Variants in MTSS1 observed in about 807,000 individuals in gnomAD.
MTSS1 encodes the protein MTSS I-BAR domain containing 1, also known as protein MTSS 1.
In MTSS1, 18 loss-of-function variants were observed where a neutral mutation model predicts 79.0. That is an observed-to-expected ratio of 0.23 (90% CI 0.16 to 0.34). The LOEUF is 0.34. Among genes scored for constraint, MTSS1 ranks in the 10% least tolerant of loss-of-function variants. The pLI is 1.00. For missense variants in MTSS1, 815 were observed against 986.2 expected, an observed-to-expected ratio of 0.83 and a Z score of 2.33; for synonymous variants, 341 against 368.6, an observed-to-expected ratio of 0.93 and a Z score of 0.86.
chr8:124,722,109 A>T (rs1421927118), intron 1 of MTSS1, among the ~76,000 whole-genome samples: 5 of 150,180 alleles, frequency 3.3e-5, no homozygotes, highest in African/African-American at 1.2e-4. Flanking sequence ...TTCAAAAGGC[A>T]CTCAACTCAA....
At chr8:124,720,617 G>T (rs184703616) in intron 1 of MTSS1, among the ~76,000 whole-genome samples, 14 of 152,300 alleles carry the variant, frequency 9.2e-5, no homozygotes, top group African/African-American at 3.4e-4. Flanking sequence ...GCTGACCTTT[G>T]TAATGAACTC....
At position 124,704,116 on chromosome 8, in the gene MTSS1, G is replaced by A. The variant is rs932783549; in HGVS notation, c.134+14C>T. The A allele has an allele frequency of 6.2e-7, 1 of 1,611,840 alleles. No homozygotes were observed. Among genetic ancestry groups the A allele is most frequent in the African/African-American group, 1.3e-5 (1 of 74,984 alleles). On this transcript the variant is annotated intron_variant, in intron 2 of 13. Transcript: ENST00000518547. ...ATGTTGTCCTTTTCCTGTAGAACAT[G>A]TGCTTCTACTTACCGAAGCTGGGAC...
Position 124,727,816 on chromosome 8 carries a change from G to T in MTSS1, c.72+68C>A. On this transcript the variant is annotated intron_variant, in intron 1 of 13. Coordinates refer to ENST00000518547, the MANE Select transcript of MTSS1 (RefSeq NM_014751.6). The surrounding 1 kb of genome is among the most constrained non-coding windows in gnomAD (Gnocchi z 4.7). ...AGGGCCGGGTGCCCGGCCCGGGGTGGAGGCGAAGCGCGGCGGCGAGGTCAG... is the reference window on the plus strand; with the variant it reads ...AGGGCCGGGTGCCCGGCCCGGGGTGTAGGCGAAGCGCGGCGGCGAGGTCAG... The T allele has an allele frequency of 7.2e-7, 1 of 1,386,634 alleles. No individual in the cohort carries two copies. Among genetic ancestry groups the T allele is most frequent in the Non-Finnish European group, 9.5e-7 (1 of 1,048,210 alleles). 85.9% of individuals were successfully genotyped at this position (1,386,634 alleles called of 1,614,324 possible).
chr8:124,696,572 G>T (rs1828856904), intron 3 of MTSS1, among the ~76,000 whole-genome samples: 1 of 152,136 alleles, frequency 6.6e-6, no homozygotes, highest in Non-Finnish European at 1.5e-5. Flanking sequence ...TGTCAAAGCA[G>T]CCAGATGCGG....
Position 124,563,219 on chromosome 8 carries a change from G to A in MTSS1, c.825-227C>T, listed in dbSNP as rs1280728646. 5 of 553,400 alleles carry A rather than the reference G, an allele frequency of 9.0e-6. No individual in the cohort carries two copies. In the Admixed American group the frequency reaches 1.6e-4, roughly 18 times the overall value. 34.3% of individuals were successfully genotyped at this position (553,400 alleles called of 1,614,324 possible). On this transcript the variant is annotated intron_variant, in intron 9 of 13. Transcript: ENST00000518547. ...AAATGCTTTTCCAGGTGACCCAGGG[G>A]GAAATACAGCTGCCAGGACTCAGGT...
In MTSS1 at chr8:124,699,592, C is replaced by A; in HGVS notation, c.142G>T (p.Val48Leu). 6.2e-7 allele frequency: 1 copy of A among 1,614,142 alleles called. No homozygotes were observed. The highest frequency in any genetic ancestry group is 8.5e-7 in the Non-Finnish European group (1 of 1,179,986). ...TCCAAGAAGGCAGCTGCTGCTACTA[C>A]TGTTGTCCTAAAATGCAAACAGATA... is the stretch of plus-strand genomic sequence containing the variant. ...GKLQSQLRTT[V>L]VAAAAFLDAF... is the part of the protein sequence containing the mutation. Residue 48 changes from valine to leucine, a missense_variant, in exon 3 of 14, where the codon GTA (valine) becomes TTA (leucine). Transcript: ENST00000518547.
chr8:124,694,243 A>T (rs1828429517), intron 3 of MTSS1, among the ~76,000 whole-genome samples: 1 of 152,000 alleles, frequency 6.6e-6, no homozygotes, highest in South Asian at 2.1e-4. Context: ...ACTCCCTCTT[A>T]GTCAGCACTG....
chr8:124,690,670 G>A (rs993446409), intron 3 of MTSS1, among the ~76,000 whole-genome samples: 6 of 152,146 alleles, frequency 3.9e-5, no homozygotes, highest in African/African-American at 7.2e-5. Flanking sequence ...CAGTGCTGTC[G>A]CCAGGCATCA....
intron 3 of MTSS1, among the ~76,000 whole-genome samples, chr8:124,678,875 T>G (rs1825715719): frequency 3.3e-5 from 5 of 152,228 alleles, no homozygotes; most frequent in Admixed American, 3.3e-4. Flanking sequence ...CGTTAGCTAT[T>G]TTCAGCAGAA....
intron 3 of MTSS1, among the ~76,000 whole-genome samples, chr8:124,641,719 A>G (rs1416964775): frequency 6.6e-6 from 1 of 152,204 alleles, no homozygotes; most frequent in Non-Finnish European, 1.5e-5. Flanking sequence ...TGGCCCCCCT[A>G]AAACAAATCA....
intron 3 of MTSS1, among the ~76,000 whole-genome samples, chr8:124,645,246 C>T (rs1818792336): frequency 6.6e-6 from 1 of 152,022 alleles, no homozygotes. Context: ...AAACAATTAG[C>T]CAGCATGGTG....
chr8:124,704,082 T>C, intron 2 of MTSS1, 48 bp downstream of exon 2: 1 of 1,552,218 alleles, frequency 6.4e-7, no homozygotes. Flanking sequence ...ACTCCATCCT[T>C]GTCTGAGGAT....
chr8:124,703,123 A>G (rs1829932310), intron 2 of MTSS1, among the ~76,000 whole-genome samples: 1 of 152,142 alleles, frequency 6.6e-6, no homozygotes, highest in Non-Finnish European at 1.5e-5. Context: ...ATCCAATTTT[A>G]GAACATTTCC....
chr8:124,690,617 C>T (rs924682548), intron 3 of MTSS1, among the ~76,000 whole-genome samples: 2 of 152,190 alleles, frequency 1.3e-5, no homozygotes, highest in African/African-American at 2.4e-5. Flanking sequence ...TGCTGCTACC[C>T]AACCAAAGAT....
intron 3 of MTSS1, among the ~76,000 whole-genome samples, chr8:124,696,905 T>G (rs1346561893): frequency 6.6e-6 from 1 of 151,732 alleles, no homozygotes; most frequent in Non-Finnish European, 1.5e-5. Flanking sequence ...CACTATGAGA[T>G]TATTTGCCTT....
In MTSS1 at chr8:124,557,705, C is replaced by T. The variant is rs559207794; in HGVS notation, c.1206G>A (p.Pro402=). 3.0e-5 allele frequency: 48 copies of T among 1,587,248 alleles called. 1 individual carries two copies. The highest frequency in any genetic ancestry group is 2.8e-4 in the East Asian group (12 of 43,314). ...CCTTCCAGCTAGGGATCTGAGATGA[C>T]GGGAACATGCCGGGCCCAATGGTGT... is the stretch of plus-strand genomic sequence containing the variant. The part of the protein sequence containing the change: ...HYYTIGPGMF[P]SSQIPSWKDW... Residue 402 remains proline, a synonymous_variant, in exon 11 of 14, where the codon CCG becomes CCA. Transcript: ENST00000518547.
chr8:124,647,436 TA>T (rs1391946230), intron 3 of MTSS1, among the ~76,000 whole-genome samples: 2 of 152,250 alleles, frequency 1.3e-5, no homozygotes, highest in Admixed American at 6.5e-5. Flanking sequence ...ACGACTAAGA[TA>T]TTTTTTGTAG....
intron 3 of MTSS1, among the ~76,000 whole-genome samples, chr8:124,611,112 C>CA (rs912609021): frequency 3.4e-5 from 5 of 148,524 alleles, no homozygotes; most frequent in African/African-American, 1.2e-4. Flanking sequence ...ACAGACCCCC[C>CA]CCCCCCAGCA....
intron 1 of MTSS1, among the ~76,000 whole-genome samples, chr8:124,709,424 C>A (rs755043538): frequency 2.6e-5 from 4 of 152,194 alleles, no homozygotes; most frequent in African/African-American, 4.8e-5. Flanking sequence ...CCTGAGAACA[C>A]ATAAAGGCTT....
Sources: gnomAD v4.1 joint callset for allele counts (sites outside exome capture counted in the v4.1 genomes callset) on GRCh38, gnomAD v4.1.1 for gene constraint, Gnocchi (gnomAD v3.1) non-coding constraint, MANE v1.5 for transcripts, NCBI Gene and HGNC (gene_info 2026-07-23, HGNC 2026-07-21) for gene names.